Variants in WDR25 observed in about 807,000 individuals in gnomAD.
The protein encoded by WDR25 is WD repeat-containing protein 25.
WDR25 carries 35 observed loss-of-function variants against 47.7 expected under a neutral mutation model. The ratio of observed to expected loss-of-function variants is 0.73; its 90% CI spans 0.56 to 0.97. WDR25 has a LOEUF of 0.97. Among genes scored for constraint, WDR25 ranks in the 50% least tolerant of loss-of-function variants. The probability of loss-of-function intolerance (pLI) is 0.00; values close to 1 mark genes in which losing one functional copy is unlikely to be tolerated. For synonymous variants in WDR25, 248 were observed against 278.9 expected (o/e 0.89, Z 1.10); for missense variants, 634 against 704.7 (o/e 0.90, Z 1.14).
intron 4 of WDR25, among the ~76,000 whole-genome samples, chr14:100,516,928 C>T (rs1901516882): frequency 1.3e-5 from 2 of 149,110 alleles, no homozygotes; most frequent in Admixed American, 6.7e-5. Flanking sequence ...TTATTTGTCT[C>T]TGTTTTTTTT....
intron 2 of WDR25, among the ~76,000 whole-genome samples, chr14:100,409,296 G>A (rs956186246): frequency 6.6e-6 from 1 of 152,232 alleles, no homozygotes; most frequent in Admixed American, 6.5e-5. Context: ...AGGTGATGTG[G>A]TAGCTTAGGG....
At chr14:100,522,690 C>T (rs1406918052) in intron 4 of WDR25, among the ~76,000 whole-genome samples, 1 of 152,196 alleles carries the variant, frequency 6.6e-6, no homozygotes, top group Admixed American at 6.5e-5. Flanking sequence ...TGTTGTTACC[C>T]CTACTTTACA....
At chr14:100,416,388 A>G (rs1300077391) in intron 2 of WDR25, among the ~76,000 whole-genome samples, 2 of 152,154 alleles carry the variant, frequency 1.3e-5, no homozygotes, top group Non-Finnish European at 2.9e-5. Context: ...TTGCCCTCAT[A>G]CTACAATACA....
At chr14:100,513,938 CT>C (rs761749635) in intron 4 of WDR25, among the ~76,000 whole-genome samples, 11,051 of 141,346 alleles carry the variant, frequency 0.078, 1,037 homozygotes, top group African/African-American at 0.25. Context: ...ATCTTTTTTA[CT>C]TTTTTTTTTT....
intron 2 of WDR25, among the ~76,000 whole-genome samples, chr14:100,401,449 T>G (rs1897379543): frequency 6.6e-6 from 1 of 152,198 alleles, no homozygotes; most frequent in Non-Finnish European, 1.5e-5. Context: ...TTAGACTTCC[T>G]TGGCAGGGGT....
intron 3 of WDR25, among the ~76,000 whole-genome samples, chr14:100,475,196 A>G (rs1899977140): frequency 6.6e-6 from 1 of 152,262 alleles, no homozygotes. Flanking sequence ...AAATGAGTAC[A>G]GCTATTTTGG....
Position 100,499,171 on chromosome 14 carries a change from C to A in WDR25, c.1101+15047C>A, listed in dbSNP as rs926535569. On this transcript the variant is annotated intron_variant, in intron 4 of 6. Transcript: ENST00000402312. The surrounding 1 kb of genome is among the most constrained non-coding windows in gnomAD (Gnocchi z 4.4). ...TAAACTTCAACCCAGCCATAACCACCACTGACAGTTGGTATCCTTCATTCA... is the reference window on the plus strand; with the variant it reads ...TAAACTTCAACCCAGCCATAACCACAACTGACAGTTGGTATCCTTCATTCA... 4.6e-5 allele frequency among the ~76,000 whole-genome samples: 7 copies of A among 152,186 alleles called. No individual in the cohort carries two copies. The highest frequency in any genetic ancestry group is 1.4e-4 in the African/African-American group (6 of 41,438).
rs4905967 is a variant in WDR25, at chr14:100,468,552, T to G, written c.970+384T>G. Among the ~76,000 whole-genome samples the G allele has an allele frequency of 0.72, 109,374 of 152,158 alleles. 40,939 individuals are homozygous for G. Among genetic ancestry groups the G allele is most frequent in the African/African-American group, 0.93 (38,671 of 41,554 alleles). On this transcript the variant is annotated intron_variant, in intron 3 of 6. Coordinates refer to ENST00000402312, the MANE Select transcript of WDR25 (RefSeq NM_001161476.3). The surrounding 1 kb of genome is among the most constrained non-coding windows in gnomAD (Gnocchi z 4.5). Reference sequence around the variant, plus strand: ...CCTGTCAATTCATTATCGTTGAAAGTCTGTGAGAAATGATTCCAGCTCATA... The same window carrying G: ...CCTGTCAATTCATTATCGTTGAAAGGCTGTGAGAAATGATTCCAGCTCATA...
intron 2 of WDR25, among the ~76,000 whole-genome samples, chr14:100,384,088 T>C (rs1265301804): frequency 1.3e-5 from 2 of 152,028 alleles, no homozygotes; most frequent in Non-Finnish European, 2.9e-5. Flanking sequence ...CCAGGCAGCT[T>C]CTGGGGAGCC....
At position 100,382,290 on chromosome 14, in the gene WDR25, A is replaced by ACCAGC. The variant is rs1896923262; in HGVS notation, c.822+552_822+556dup. 8 of 655,256 alleles carry ACCAGC rather than the reference A, an allele frequency of 1.2e-5. No individual in the cohort carries two copies. In the South Asian group the frequency reaches 1.3e-4, roughly 11 times the overall value. The allele number at this position is 655,256 out of a possible 1,614,324, so 40.6% of individuals were successfully genotyped here. A position where few individuals can be genotyped will look rare whatever the true frequency, so the allele number is the denominator to read the frequency against. On this transcript the variant is annotated intron_variant, in intron 2 of 6. Transcript: ENST00000402312. ...GCTCTGGGAGCCCAACGGGAGGGTT[A>ACCAGC]CCAGCCCAGCCCGGCAGGGCTCAGT...
intron 3 of WDR25, among the ~76,000 whole-genome samples, chr14:100,476,035 A>G (rs1332795199): frequency 1.3e-5 from 2 of 152,250 alleles, no homozygotes; most frequent in East Asian, 1.9e-4. Flanking sequence ...TGTTACTACT[A>G]TTATTACAAT....
intron 2 of WDR25, among the ~76,000 whole-genome samples, chr14:100,408,762 G>A (rs1453979597): frequency 6.6e-6 from 1 of 152,140 alleles, no homozygotes; most frequent in East Asian, 1.9e-4. Flanking sequence ...CAGACCTTCC[G>A]GCTCATCTTT....
chr14:100,517,751 G>A (rs1486511000), intron 4 of WDR25, among the ~76,000 whole-genome samples: 6 of 152,242 alleles, frequency 3.9e-5, no homozygotes, highest in Non-Finnish European at 8.8e-5. Flanking sequence ...GGCTGAGGCA[G>A]GAGAATCACT....
At chr14:100,382,890 A>C (rs1039110003) in intron 2 of WDR25, among the ~76,000 whole-genome samples, 2 of 152,228 alleles carry the variant, frequency 1.3e-5, no homozygotes, top group African/African-American at 4.8e-5. Flanking sequence ...TCATGTGCTC[A>C]TGTGAGAAAA....
chr14:100,454,898 G>A (rs915016645), intron 2 of WDR25: 1 of 158,628 alleles, frequency 6.3e-6, no homozygotes, highest in Non-Finnish European at 1.4e-5. Flanking sequence ...TTTGAAATTT[G>A]AGTAGAGCCA....
At chr14:100,495,301 G>A (rs948606400) in intron 4 of WDR25, among the ~76,000 whole-genome samples, 6 of 152,226 alleles carry the variant, frequency 3.9e-5, no homozygotes, top group Non-Finnish European at 8.8e-5. Context: ...AGGTTGCAGT[G>A]AGCTGAGACC....
At chr14:100,491,322 C>T (rs987773764) in intron 4 of WDR25, among the ~76,000 whole-genome samples, 19 of 152,226 alleles carry the variant, frequency 1.2e-4, no homozygotes, top group Admixed American at 7.2e-4. Flanking sequence ...GATGCCCAAA[C>T]CCTCACAGAT....
chr14:100,526,204 G>A (rs924228790), intron 5 of WDR25, among the ~76,000 whole-genome samples, 164 bp downstream of exon 5: 9 of 152,194 alleles, frequency 5.9e-5, no homozygotes, highest in African/African-American at 2.2e-4. Flanking sequence ...CACATGGAGA[G>A]CTTGCTGTGG....
chr14:100,499,999 A>G lies in WDR25; in HGVS notation c.1101+15875A>G, dbSNP rs1359802183. Among the ~76,000 whole-genome samples the G allele has an allele frequency of 6.6e-6, 1 of 152,094 alleles. No individual in the cohort carries two copies. Among genetic ancestry groups the G allele is most frequent in the Non-Finnish European group, 1.5e-5 (1 of 67,998 alleles). ...AGCTGTCCCTGAGATGGGGGATGGT[A>G]CAAGCATTGGGAAATGGTCTTGCAG... On this transcript the variant is annotated intron_variant, in intron 4 of 6. Transcript: ENST00000402312. This position sits in a 1 kb window ranked among gnomAD's most constrained non-coding sequence, Gnocchi z 4.4.
Sources: allele counts gnomAD v4.1 joint callset (sites outside exome capture counted in the v4.1 genomes callset), GRCh38; gene constraint gnomAD v4.1.1; non-coding constraint Gnocchi (gnomAD v3.1); transcripts MANE v1.5; gene names NCBI Gene and HGNC (gene_info 2026-07-23, HGNC 2026-07-21).